Variants in PDZD2 observed in about 807,000 individuals in gnomAD.
PDZD2 encodes the protein PDZ domain-containing protein 2.
A neutral mutation model predicts 220.7 loss-of-function variants in PDZD2; 90 were observed. The observed-to-expected ratio is 0.41, with a 90% CI of 0.34 to 0.49. The LOEUF is 0.49. Ranked by LOEUF, PDZD2 falls within the 20% of genes least tolerant of loss-of-function variation. The probability of loss-of-function intolerance (pLI) is 0.28; values close to 1 mark genes in which losing one functional copy is unlikely to be tolerated. For missense variants in PDZD2, 3,174 were observed against 3,608.5 expected (o/e 0.88, Z 3.08); for synonymous variants, 1,375 against 1,450.5 (o/e 0.95, Z 1.18).
chr5:31,767,064 T>C (rs1752072556), intron 1 of PDZD2, among the ~76,000 whole-genome samples: 1 of 134,308 alleles, frequency 7.4e-6, no homozygotes, highest in Non-Finnish European at 1.5e-5. Context: ...AGTCTCACTG[T>C]GTCTCAGTGG....
chr5:31,743,946 C>A (rs553778227), intron 1 of PDZD2: 5 of 152,312 alleles, frequency 3.3e-5, no homozygotes, highest in African/African-American at 1.2e-4. Context: ...TTGGCTCAGG[C>A]GGCATCAAAT....
At chr5:32,010,699 A>G (rs960322622) in intron 6 of PDZD2, 1 of 588,602 alleles carries the variant, frequency 1.7e-6, no homozygotes, top group Non-Finnish European at 3.2e-6. Context: ...GGTAAACAAG[A>G]TAAGCAACCC....
chr5:31,935,770 T>G (rs1745667280), intron 2 of PDZD2, among the ~76,000 whole-genome samples: 1 of 152,164 alleles, frequency 6.6e-6, no homozygotes, highest in African/African-American at 2.4e-5. Context: ...AAGTACACAT[T>G]TTGATAGTAT....
At chr5:31,653,138 C>T (rs189104337) in intron 1 of PDZD2, among the ~76,000 whole-genome samples, 198 of 152,180 alleles carry the variant, frequency 1.3e-3, no homozygotes, top group African/African-American at 2.9e-3. Context: ...TATCTAGGAC[C>T]GAGTGAATCT....
intron 1 of PDZD2, among the ~76,000 whole-genome samples, chr5:31,794,427 G>A (rs1303668445): frequency 7.9e-6 from 1 of 126,464 alleles, no homozygotes; most frequent in African/African-American, 3.1e-5. Flanking sequence ...AGATGGAGGA[G>A]TCTTGCTCTG....
chr5:31,929,289 A>G (rs1212931315), intron 2 of PDZD2, among the ~76,000 whole-genome samples: 1 of 152,232 alleles, frequency 6.6e-6, no homozygotes, highest in Admixed American at 6.5e-5. Context: ...GAAAGCAATC[A>G]TGGTAATAAT....
intron 2 of PDZD2, among the ~76,000 whole-genome samples, chr5:31,853,026 CA>C (rs1296293994): frequency 1.3e-5 from 2 of 152,190 alleles, no homozygotes; most frequent in Non-Finnish European, 2.9e-5. Flanking sequence ...AGCAAAGGAG[CA>C]CTTCTCAAAT....
rs758116616 is a variant in PDZD2, at chr5:32,087,175, G to A, written c.3727G>A (p.Gly1243Arg). The A allele has an allele frequency of 2.5e-6, 4 of 1,613,544 alleles. No individual in the cohort carries two copies. Among genetic ancestry groups the A allele is most frequent in the Non-Finnish European group, 3.4e-6 (4 of 1,179,718 alleles). Reference protein sequence around the residue: ...SDLISSPGKKGAAHPDPSKTS... With the variant: ...SDLISSPGKKRAAHPDPSKTS... Reference sequence around the variant, plus strand: ...CCTCATCTCTTCCCCAGGGAAGAAGGGGGCCGCTCATCCTGACCCCAGCAA... The same window carrying A: ...CCTCATCTCTTCCCCAGGGAAGAAGAGGGCCGCTCATCCTGACCCCAGCAA... Residue 1243 changes from glycine (G) to arginine (R), a missense_variant, in exon 20 of 25, where the codon GGG (glycine) becomes AGG (arginine). Physicochemically the swap from Gly to Arg is moderately radical, Grantham distance 125. Transcript: ENST00000438447. The surrounding 1 kb of genome is among the most constrained non-coding windows in gnomAD (Gnocchi z 4.0).
At chr5:31,880,795 T>TTTTC (rs1554088342) in intron 2 of PDZD2, among the ~76,000 whole-genome samples, 2 of 105,356 alleles carry the variant, frequency 1.9e-5, no homozygotes, top group Admixed American at 1.8e-4. Flanking sequence ...TTTTTTCTTT[T>TTTTC]TTTTTTTTTT....
rs1385994159 is a variant in PDZD2, at chr5:31,699,204, A to G, written c.-361+59767A>G. ...CCGTCCCGTTCATTGTGGTAAGTGC[A>G]GTGGTGCAGGGTACTGGGGCAGGGA... On this transcript the variant is annotated intron_variant, in intron 1 of 24. Coordinates refer to ENST00000438447, the MANE Select transcript of PDZD2 (RefSeq NM_178140.4). Among the ~76,000 whole-genome samples the G allele has an allele frequency of 7.9e-5, 12 of 152,160 alleles. No homozygotes were observed. The East Asian group carries it at 2.3e-3, about 29-fold the overall frequency.
intron 1 of PDZD2, among the ~76,000 whole-genome samples, chr5:31,652,147 T>TGTTG (rs1554059633): frequency 6.8e-6 from 1 of 147,282 alleles, no homozygotes. Context: ...TTTTTTTGTT[T>TGTTG]TTTGTTTGTT....
intron 1 of PDZD2, among the ~76,000 whole-genome samples, chr5:31,748,445 A>C (rs1380111840): frequency 2.6e-5 from 4 of 152,214 alleles, no homozygotes; most frequent in African/African-American, 9.6e-5. Context: ...TTTCAGAGAC[A>C]ATATCCCCCT....
chr5:32,087,334 G>A lies in PDZD2; in HGVS notation c.3886G>A (p.Ala1296Thr). The A allele has an allele frequency of 6.2e-7, 1 of 1,614,104 alleles. No homozygotes were observed. The highest frequency in any genetic ancestry group is 8.5e-7 in the Non-Finnish European group (1 of 1,179,950). The change falls in exon 20 of 25, where the codon GCA becomes ACA. Residue 1296 changes from alanine (A) to threonine (T), a missense_variant. Ala to Thr is a moderately conservative substitution (Grantham distance 58). Transcript: ENST00000438447. This position sits in a 1 kb window ranked among gnomAD's most constrained non-coding sequence, Gnocchi z 4.0. ...GGGCAGCCCCTCCCCGGGGGAGAAA[G>A]CAGCGGCTCCCCCTGACTACAGCAA... ...HEGSPSPGEKAAAPPDYSKTR... is the reference protein window; with the variant it reads ...HEGSPSPGEKTAAPPDYSKTR...
At chr5:31,884,181 C>T (rs1477751313) in intron 2 of PDZD2, among the ~76,000 whole-genome samples, 11 of 152,062 alleles carry the variant, frequency 7.2e-5, no homozygotes, top group Admixed American at 7.2e-4. Context: ...CCATTGCACT[C>T]CAGCTTGGGC....
chr5:31,898,634 A>C (rs1358315413), intron 2 of PDZD2, among the ~76,000 whole-genome samples: 1 of 152,126 alleles, frequency 6.6e-6, no homozygotes, highest in African/African-American at 2.4e-5. Flanking sequence ...GTCACATGGC[A>C]AAGTGATGCT....
chr5:31,687,222 T>C (rs1050037236), intron 1 of PDZD2, among the ~76,000 whole-genome samples: 1 of 152,260 alleles, frequency 6.6e-6, no homozygotes, highest in African/African-American at 2.4e-5. Context: ...GGACCAAGTC[T>C]GGCAGAGAAA....
At chr5:31,919,292 T>C (rs1743969176) in intron 2 of PDZD2, among the ~76,000 whole-genome samples, 1 of 152,146 alleles carries the variant, frequency 6.6e-6, no homozygotes, top group Admixed American at 6.5e-5. Context: ...TTATTATTCA[T>C]ATGGCTAGTG....
At chr5:31,848,798 C>T (rs917476973) in intron 2 of PDZD2, among the ~76,000 whole-genome samples, 1 of 150,392 alleles carries the variant, frequency 6.6e-6, no homozygotes, top group Non-Finnish European at 1.5e-5. Flanking sequence ...ACCTGTAATC[C>T]CAGCACTTTG....
At chr5:32,009,984 G>A (rs192659364) in intron 5 of PDZD2, among the ~76,000 whole-genome samples, 1 of 151,720 alleles carries the variant, frequency 6.6e-6, no homozygotes, top group Admixed American at 6.6e-5. Context: ...CTACTTGGGA[G>A]GCTGATGCAG....
Sources: gnomAD v4.1 joint callset for allele counts (sites outside exome capture counted in the v4.1 genomes callset) on GRCh38, gnomAD v4.1.1 for gene constraint, Gnocchi (gnomAD v3.1) non-coding constraint, MANE v1.5 for transcripts, NCBI Gene and HGNC (gene_info 2026-07-23, HGNC 2026-07-21) for gene names.